The following PDE8B variants were observed in gnomAD, a reference collection of about 807,000 sequenced individuals.
PDE8B encodes the protein phosphodiesterase 8B.
Under a neutral mutation model 101.3 loss-of-function variants are expected in PDE8B, and 26 were observed. That is an observed-to-expected ratio of 0.26 (90% CI 0.19 to 0.36). PDE8B has a LOEUF of 0.36. Among genes scored for constraint, PDE8B ranks in the 10% least tolerant of loss-of-function variants. The pLI, the probability that PDE8B is intolerant of heterozygous loss-of-function variation, is 1.00. For synonymous variants in PDE8B, 424 were observed against 429.3 expected, an observed-to-expected ratio of 0.99 and a Z score of 0.15; for missense variants, 810 against 1,163.1, an observed-to-expected ratio of 0.70 and a Z score of 4.42.
intron 1 of PDE8B, among the ~76,000 whole-genome samples, chr5:77,301,400 T>C (rs77675859): frequency 0.011 from 1,601 of 152,328 alleles, 23 homozygotes; most frequent in African/African-American, 0.037. Context: ...CAAAATTTAC[T>C]GATTTGAATA....
chr5:77,166,005 A>C, the PDE8B span, among the ~76,000 whole-genome samples: 1 of 151,552 alleles, frequency 6.6e-6, no homozygotes, highest in Non-Finnish European at 1.5e-5. Context: ...AAAGAAAAAA[A>C]AAAGGAAAGA....
the PDE8B span, among the ~76,000 whole-genome samples, chr5:77,194,248 G>A: frequency 1.2e-4 from 19 of 152,238 alleles, no homozygotes; most frequent in African/African-American, 4.1e-4. Context: ...GCTTACTGTA[G>A]GGTTTTTGCA....
At chr5:77,371,477 A>C (rs1312873723) in intron 10 of PDE8B, among the ~76,000 whole-genome samples, 1 of 152,196 alleles carries the variant, frequency 6.6e-6, no homozygotes, top group Non-Finnish European at 1.5e-5. Context: ...GTCAATCTAC[A>C]TATTGCATGC....
chr5:77,229,291 T>G (rs1023608120), intron 1 of PDE8B, among the ~76,000 whole-genome samples: 1 of 152,182 alleles, frequency 6.6e-6, no homozygotes, highest in African/African-American at 2.4e-5. Context: ...AGTGTCAAAA[T>G]TTTAGTAAAC....
At chr5:77,225,596 C>G (rs12516568) in intron 1 of PDE8B, among the ~76,000 whole-genome samples, 12 of 151,902 alleles carry the variant, frequency 7.9e-5, no homozygotes, top group African/African-American at 2.9e-4. Flanking sequence ...GGTATGATCT[C>G]GGGTGTTCAT....
At chr5:77,146,375 T>G in the PDE8B span, 1 of 152,070 alleles carries the variant, frequency 6.6e-6, no homozygotes, top group Non-Finnish European at 1.5e-5. Flanking sequence ...GCCATGAGTG[T>G]GGATGGAACC....
chr5:77,320,977 A>T (rs1453916551), intron 2 of PDE8B, among the ~76,000 whole-genome samples: 1 of 152,010 alleles, frequency 6.6e-6, no homozygotes, highest in Non-Finnish European at 1.5e-5. Context: ...CCTTATACCA[A>T]AAAAGTACAT....
chr5:77,184,941 A>T, the PDE8B span, among the ~76,000 whole-genome samples: 1 of 152,202 alleles, frequency 6.6e-6, no homozygotes, highest in Admixed American at 6.5e-5. Flanking sequence ...CCACAGAGGC[A>T]CTCAGGGCAC....
intron 1 of PDE8B, among the ~76,000 whole-genome samples, chr5:77,302,647 C>G (rs1332325685): frequency 6.6e-6 from 1 of 152,164 alleles, no homozygotes; most frequent in Non-Finnish European, 1.5e-5. Flanking sequence ...CATTTAAAGT[C>G]TCTTTGTACA....
intron 1 of PDE8B, among the ~76,000 whole-genome samples, chr5:77,304,117 A>G (rs1770625631): frequency 6.6e-6 from 1 of 152,178 alleles, no homozygotes. Flanking sequence ...ACTGTTTTTC[A>G]AAGTTGCTAA....
rs59393259 is a variant in PDE8B, at chr5:77,386,865, C to CTTTTTTTTTTTTT, written c.1168-13366_1168-13354dup. 5.7e-4 allele frequency among the ~76,000 whole-genome samples: 29 copies of CTTTTTTTTTTTTT among 51,080 alleles called. 5 individuals are homozygous for CTTTTTTTTTTTTT. Among genetic ancestry groups the CTTTTTTTTTTTTT allele is most frequent in the East Asian group, 1.6e-3 (2 of 1,260 alleles). The allele number at this position is 51,080 out of a possible 152,430, so 33.5% of individuals were successfully genotyped here. A position where few individuals can be genotyped will look rare whatever the true frequency, so the allele number is the denominator to read the frequency against. On this transcript the variant is annotated intron_variant, in intron 10 of 21. Coordinates refer to ENST00000264917, the MANE Select transcript of PDE8B (RefSeq NM_003719.5). ...TTTTGCCTGTTAGTTGATGTAGTTT[C>CTTTTTTTTTTTTT]TTTTTTTTTTTTTTTTTTTTTTTTT...
chr5:77,285,042 A>G (rs1227187507), intron 1 of PDE8B, among the ~76,000 whole-genome samples: 1 of 152,180 alleles, frequency 6.6e-6, no homozygotes, highest in Non-Finnish European at 1.5e-5. Flanking sequence ...GCTTATGCCT[A>G]GACGTCCAGA....
the PDE8B span, among the ~76,000 whole-genome samples, chr5:77,203,056 A>G: frequency 1.3e-5 from 2 of 152,232 alleles, no homozygotes; most frequent in African/African-American, 4.8e-5. Context: ...GAATTTAGCC[A>G]AACTGCTTAG....
At chr5:77,269,979 T>C (rs1762470225) in intron 1 of PDE8B, among the ~76,000 whole-genome samples, 1 of 152,188 alleles carries the variant, frequency 6.6e-6, no homozygotes, top group African/African-American at 2.4e-5. Flanking sequence ...CCACTTAAAT[T>C]TTAGGATTTT....
chr5:77,228,891 G>A (rs1392663565), intron 1 of PDE8B, among the ~76,000 whole-genome samples: 1 of 152,172 alleles, frequency 6.6e-6, no homozygotes. Flanking sequence ...CTGGATTAAA[G>A]TAGTGCAATA....
chr5:77,382,934 A>C (rs1787796185), intron 10 of PDE8B, among the ~76,000 whole-genome samples: 1 of 152,148 alleles, frequency 6.6e-6, no homozygotes, highest in Non-Finnish European at 1.5e-5. Flanking sequence ...ATGATTTATA[A>C]TCCTTTGGGT....
the PDE8B span, among the ~76,000 whole-genome samples, chr5:77,143,676 G>A: frequency 5.3e-5 from 8 of 152,166 alleles, no homozygotes; most frequent in East Asian, 1.5e-3. Context: ...ACTATAAAAC[G>A]ATGTTACATT....
the PDE8B span, among the ~76,000 whole-genome samples, chr5:77,198,407 C>T: frequency 1.3e-5 from 2 of 152,104 alleles, no homozygotes; most frequent in African/African-American, 2.4e-5. Flanking sequence ...CTCTCAAGTG[C>T]CCCTCTATGT....
the PDE8B span, among the ~76,000 whole-genome samples, chr5:77,171,033 A>G: frequency 2.6e-5 from 4 of 152,258 alleles, no homozygotes; most frequent in Non-Finnish European, 4.4e-5. Flanking sequence ...AACACGAATC[A>G]GGAGTATATG....
Sources: gnomAD v4.1 joint callset for allele counts (sites outside exome capture counted in the v4.1 genomes callset) on GRCh38, gnomAD v4.1.1 for gene constraint, MANE v1.5 for transcripts, NCBI Gene and HGNC (gene_info 2026-07-23, HGNC 2026-07-21) for gene names.